CHLSN: variants seen among roughly 807,000 people sequenced by gnomAD.
The protein encoded by CHLSN is protein cholesin.
chr7:1,070,295 C>T, the CHLSN span, among the ~76,000 whole-genome samples: 6 of 143,670 alleles, frequency 4.2e-5, no homozygotes, highest in African/African-American at 7.6e-5. Flanking sequence ...CCGCCCCATC[C>T]GGGAGGGAGG....
chr7:1,120,567 A>T, the CHLSN span, among the ~76,000 whole-genome samples: 3 of 152,338 alleles, frequency 2.0e-5, no homozygotes, highest in African/African-American at 7.2e-5. Flanking sequence ...TGCTGAGATT[A>T]CAGGCACGAG....
At chr7:1,079,632 G>A in the CHLSN span, among the ~76,000 whole-genome samples, 1 of 152,228 alleles carries the variant, frequency 6.6e-6, no homozygotes, top group Admixed American at 6.5e-5. Flanking sequence ...GTAGACGTGT[G>A]ACGGGAAGTG....
the CHLSN span, among the ~76,000 whole-genome samples, chr7:1,091,005 C>G: frequency 6.6e-6 from 1 of 152,170 alleles, no homozygotes; most frequent in Non-Finnish European, 1.5e-5. Flanking sequence ...CTTTCCCTTC[C>G]TATCTTACTT....
At chr7:1,116,440 C>A in the CHLSN span, among the ~76,000 whole-genome samples, 1 of 130,058 alleles carries the variant, frequency 7.7e-6, no homozygotes, top group African/African-American at 3.3e-5. Flanking sequence ...CTTCCATCAC[C>A]GACGTCCACG....
the CHLSN span, chr7:1,058,067 A>C: frequency 3.9e-6 from 3 of 767,752 alleles, no homozygotes; most frequent in African/African-American, 3.4e-5. Context: ...TGCAGAACGC[A>C]GAAGCTGCCG....
chr7:1,094,804 G>A, the CHLSN span, among the ~76,000 whole-genome samples: 1,659 of 152,320 alleles, frequency 0.011, 13 homozygotes, highest in Non-Finnish European at 0.019. Flanking sequence ...GGTCTCTCAG[G>A]CAGGTGGGGC....
the CHLSN span, among the ~76,000 whole-genome samples, chr7:1,029,708 C>T: frequency 6.7e-6 from 1 of 149,528 alleles, no homozygotes; most frequent in African/African-American, 2.4e-5. Context: ...GAGCTCTGGT[C>T]GCGGGGCCCT....
At chr7:1,042,396 G>A in the CHLSN span, among the ~76,000 whole-genome samples, 3 of 152,160 alleles carry the variant, frequency 2.0e-5, no homozygotes, top group Admixed American at 6.5e-5. Context: ...GCCCCCCTAC[G>A]CCCCAATCTG....
the CHLSN span, among the ~76,000 whole-genome samples, chr7:1,072,676 CTTTTT>C: frequency 7.0e-3 from 767 of 110,224 alleles, 1 homozygote; most frequent in Middle Eastern, 0.025. Flanking sequence ...CTTTTCTTTC[CTTTTT>C]TTTTTTTTTT....
the CHLSN span, among the ~76,000 whole-genome samples, chr7:1,021,130 G>A: frequency 6.6e-6 from 1 of 151,852 alleles, no homozygotes; most frequent in Non-Finnish European, 1.5e-5. Flanking sequence ...GGAACCTCCA[G>A]GCTGGAGACA....
the CHLSN span, chr7:983,161 CG>C: frequency 1.3e-5 from 18 of 1,409,350 alleles, no homozygotes; most frequent in South Asian, 4.5e-5. Context: ...TATAAGGGTG[CG>C]GGGGGGACGG....
the CHLSN span, chr7:1,058,812 C>T: frequency 4.7e-6 from 2 of 427,796 alleles, no homozygotes; most frequent in Admixed American, 4.1e-5. Flanking sequence ...TTCAGTTTGT[C>T]AATGAAGTGA....
At chr7:1,052,118 C>T in the CHLSN span, among the ~76,000 whole-genome samples, 1 of 152,286 alleles carries the variant, frequency 6.6e-6, no homozygotes, top group Non-Finnish European at 1.5e-5. The surrounding 1 kb of genome is among the most constrained non-coding windows in gnomAD (Gnocchi z 4.2). Flanking sequence ...CTCCTTCCAC[C>T]TTCCCAGCCA....
the CHLSN span, chr7:1,043,436 C>T: frequency 1.4e-4 from 22 of 152,210 alleles, no homozygotes; most frequent in African/African-American, 3.6e-4. Context: ...GAAATACGGA[C>T]GTATCTACCT....
At chr7:1,034,391 G>GTT in the CHLSN span, among the ~76,000 whole-genome samples, 1 of 135,056 alleles carries the variant, frequency 7.4e-6, no homozygotes, top group African/African-American at 2.6e-5. Context: ...TAAATTTCAG[G>GTT]GTTTTTTTTT....
chr7:1,072,531 C>CT, the CHLSN span, among the ~76,000 whole-genome samples: 10 of 152,354 alleles, frequency 6.6e-5, no homozygotes, highest in East Asian at 7.7e-4. Flanking sequence ...ATCATTGCAT[C>CT]TGAGACACAG....
At chr7:1,022,104 C>T in the CHLSN span, among the ~76,000 whole-genome samples, 15 of 152,220 alleles carry the variant, frequency 9.9e-5, no homozygotes, top group Non-Finnish European at 1.6e-4. Context: ...ACCCTGAGTC[C>T]ACCGGAGTCT....
At chr7:1,005,961 C>A in the CHLSN span, among the ~76,000 whole-genome samples, 4 of 152,234 alleles carry the variant, frequency 2.6e-5, no homozygotes, top group Admixed American at 6.5e-5. Flanking sequence ...TCGCCACCTG[C>A]CCCCAACGTG....
the CHLSN span, among the ~76,000 whole-genome samples, chr7:1,075,397 G>A: frequency 1.3e-5 from 2 of 151,730 alleles, no homozygotes; most frequent in South Asian, 2.1e-4. Flanking sequence ...ACAGGCAGGC[G>A]CCTGTAATCC....
Sources: gnomAD v4.1 joint callset for allele counts (sites outside exome capture counted in the v4.1 genomes callset) on GRCh38, gnomAD v4.1.1 for gene constraint, Gnocchi (gnomAD v3.1) non-coding constraint, MANE v1.5 for transcripts, NCBI Gene and HGNC (gene_info 2026-07-23, HGNC 2026-07-21) for gene names.